FHIT: variants seen among roughly 807,000 people sequenced by gnomAD.
The protein encoded by FHIT is bis(5'-adenosyl)-triphosphatase.
In FHIT, 19 loss-of-function variants were observed where a neutral mutation model predicts 17.9. The observed-to-expected ratio is 1.06, with a 90% confidence interval of 0.74 to 1.56. FHIT has a LOEUF of 1.56. FHIT is among the 40% of genes most tolerant of loss of function. The pLI is 0.00. For synonymous variants in FHIT, 81 were observed against 69.7 expected, an observed-to-expected ratio of 1.16 and a Z score of -0.81; for missense variants, 248 against 189.2, an observed-to-expected ratio of 1.31 and a Z score of -1.82.
chr3:61,050,886 C>T (rs2106649084), intron 2 of FHIT, among the ~76,000 whole-genome samples: 1 of 152,288 alleles, frequency 6.6e-6, no homozygotes, highest in South Asian at 2.1e-4. Context: ...GCACATTGCC[C>T]TCCTTTGTGT....
chr3:59,961,729 C>T (rs1298260138), intron 7 of FHIT, among the ~76,000 whole-genome samples: 2 of 152,332 alleles, frequency 1.3e-5, no homozygotes, highest in South Asian at 2.1e-4. Flanking sequence ...CCCCTCGCCC[C>T]CTGTGGGCTG....
intron 8 of FHIT, among the ~76,000 whole-genome samples, chr3:59,776,282 G>A (rs517711): frequency 0.13 from 19,473 of 152,262 alleles, 1,380 homozygotes; most frequent in Non-Finnish European, 0.17. Context: ...TGGCTTGCAC[G>A]TATTTCCAGG....
At chr3:60,175,979 A>T (rs1454087768) in intron 5 of FHIT, among the ~76,000 whole-genome samples, 1 of 152,204 alleles carries the variant, frequency 6.6e-6, no homozygotes, top group Non-Finnish European at 1.5e-5. Flanking sequence ...ATATTTACTG[A>T]GCATTTGAAA....
intron 1 of FHIT, among the ~76,000 whole-genome samples, chr3:61,246,511 C>T (rs1273207203): frequency 1.3e-5 from 2 of 152,176 alleles, no homozygotes; most frequent in African/African-American, 4.8e-5. Flanking sequence ...TTCCCAAATG[C>T]CCTCGGAATA....
At chr3:60,322,208 A>G (rs1451648359) in intron 5 of FHIT, among the ~76,000 whole-genome samples, 1 of 152,174 alleles carries the variant, frequency 6.6e-6, no homozygotes, top group East Asian at 1.9e-4. Flanking sequence ...TGCTCTGTGT[A>G]TTTCAGGAGA....
intron 2 of FHIT, among the ~76,000 whole-genome samples, chr3:61,185,569 G>A (rs1349514447): frequency 6.6e-6 from 1 of 152,198 alleles, no homozygotes; most frequent in Non-Finnish European, 1.5e-5. Flanking sequence ...TTCAGCAGCA[G>A]AGGTGCTTTT....
At chr3:60,460,570 T>C (rs2107408218) in intron 5 of FHIT, among the ~76,000 whole-genome samples, 1 of 152,270 alleles carries the variant, frequency 6.6e-6, no homozygotes, top group East Asian at 1.9e-4. Context: ...CTAGAAACTG[T>C]TTATTCAGAT....
At chr3:60,734,551 C>A (rs2042097126) in intron 4 of FHIT, among the ~76,000 whole-genome samples, 1 of 152,140 alleles carries the variant, frequency 6.6e-6, no homozygotes, top group African/African-American at 2.4e-5. Flanking sequence ...ACAGGCATGG[C>A]ACCACCGGCA....
intron 2 of FHIT, among the ~76,000 whole-genome samples, chr3:61,143,763 G>A (rs2037151999): frequency 6.6e-6 from 1 of 152,162 alleles, no homozygotes. Context: ...CTACTCGGGA[G>A]ACTGAGACAG....
intron 8 of FHIT, among the ~76,000 whole-genome samples, chr3:59,895,536 G>C (rs751431410): frequency 6.6e-6 from 1 of 151,794 alleles, no homozygotes; most frequent in Non-Finnish European, 1.5e-5. Flanking sequence ...CAATAAATCT[G>C]TCCCACTTCC....
intron 3 of FHIT, among the ~76,000 whole-genome samples, chr3:60,915,736 A>T (rs1559825761): frequency 6.6e-6 from 1 of 152,198 alleles, no homozygotes; most frequent in Non-Finnish European, 1.5e-5. Flanking sequence ...TATAAATGCC[A>T]TACCAAGAAA....
At chr3:61,026,792 T>C (rs1442170671) in intron 3 of FHIT, among the ~76,000 whole-genome samples, 1 of 152,158 alleles carries the variant, frequency 6.6e-6, no homozygotes, top group Non-Finnish European at 1.5e-5. Context: ...TAACAAACAG[T>C]AATTTAATTT....
chr3:60,155,581 A>C (rs956395550), intron 5 of FHIT, among the ~76,000 whole-genome samples: 5 of 152,116 alleles, frequency 3.3e-5, no homozygotes, highest in African/African-American at 1.2e-4. Context: ...CTCTTCCCTC[A>C]AGCAGCCAGA....
intron 3 of FHIT, among the ~76,000 whole-genome samples, chr3:61,035,924 C>G (rs746441512): frequency 6.6e-6 from 1 of 152,170 alleles, no homozygotes; most frequent in South Asian, 2.1e-4. Flanking sequence ...TTTCATTTCT[C>G]TGATGTGAAA....
At chr3:60,406,645 G>T (rs1054844782) in intron 5 of FHIT, among the ~76,000 whole-genome samples, 2 of 150,356 alleles carry the variant, frequency 1.3e-5, no homozygotes, top group Non-Finnish European at 3.0e-5. Flanking sequence ...GTCAGATTTT[G>T]TGGAGAAGCC....
chr3:60,321,500 C>G (rs184000705), intron 5 of FHIT, among the ~76,000 whole-genome samples: 147 of 152,140 alleles, frequency 9.7e-4, no homozygotes, highest in African/African-American at 3.4e-3. Context: ...ATTCTTATAG[C>G]CACCTAAAAG....
intron 4 of FHIT, among the ~76,000 whole-genome samples, chr3:60,651,404 A>T (rs2107807289): frequency 6.6e-6 from 1 of 152,268 alleles, no homozygotes; most frequent in South Asian, 2.1e-4. Context: ...ATTAAAATTT[A>T]TTTTAACTTG....
At chr3:60,344,142 A>G (rs1477162340) in intron 5 of FHIT, among the ~76,000 whole-genome samples, 1 of 152,196 alleles carries the variant, frequency 6.6e-6, no homozygotes, top group Non-Finnish European at 1.5e-5. Flanking sequence ...AAAAGTAATT[A>G]ATCATTATTT....
rs370013679 is a variant in FHIT, at chr3:61,142,651, G to T, written c.-164+57966C>A. Among the ~76,000 whole-genome samples, 28 of 151,952 alleles carry T rather than the reference G, an allele frequency of 1.8e-4. No individual in the cohort carries two copies. The East Asian group carries it at 2.9e-3, about 16-fold the overall frequency. ...TCATTACAAAAATGACATAGAAAAA[G>T]AAAAAATAATTGTTATAATATTTAA... On this transcript the variant is annotated intron_variant, in intron 2 of 9. Coordinates refer to ENST00000492590, the MANE Select transcript of FHIT (RefSeq NM_002012.4).
Sources: allele counts gnomAD v4.1 joint callset (sites outside exome capture counted in the v4.1 genomes callset), GRCh38; gene constraint gnomAD v4.1.1; transcripts MANE v1.5; gene names NCBI Gene and HGNC (gene_info 2026-07-23, HGNC 2026-07-21).